ZNF492: variants seen among roughly 807,000 people sequenced by gnomAD.
ZNF492 encodes zinc finger protein 115 (Y20).
ZNF492 carries 3 observed loss-of-function variants against 6.4 expected under a neutral mutation model. That is an observed-to-expected ratio of 0.47 (90% CI 0.21 to 1.22). The LOEUF is 1.22. Among genes scored for constraint, ZNF492 ranks in the 50% most tolerant of loss-of-function variants. The probability of loss-of-function intolerance (pLI) is 0.22; values close to 1 mark genes in which losing one functional copy is unlikely to be tolerated. For missense variants in ZNF492, 356 were observed against 612.5 expected, an observed-to-expected ratio of 0.58 and a Z score of 4.42; for synonymous variants, 112 against 205.3, an observed-to-expected ratio of 0.55 and a Z score of 3.89.
In ZNF492 at chr19:22,664,386, C is replaced by T. The variant is rs2145264680; in HGVS notation, c.717C>T (p.Asn239=). The T allele has an allele frequency of 6.5e-7, 1 of 1,528,062 alleles. No individual in the cohort carries two copies. The highest frequency in any genetic ancestry group is 2.4e-5 in the East Asian group (1 of 40,980). 94.7% of individuals were successfully genotyped at this position (1,528,062 alleles called of 1,614,324 possible). Residue 239 remains asparagine, a synonymous_variant, in exon 4 of 4, where the codon AAC becomes AAT. Coordinates refer to ENST00000456783, the MANE Select transcript of ZNF492 (RefSeq NM_020855.3). ...ECGKAFNQSA[N]LTTHKRIHTG... ...GCAAAGCTTTTAACCAATCTGCAAA[C>T]CTTACTACACATAAGAGAATTCATA...
intron 1 of ZNF492, among the ~76,000 whole-genome samples, chr19:22,650,401 T>C (rs1433086): frequency 0.42 from 64,206 of 151,716 alleles, 16,544 homozygotes; most frequent in African/African-American, 0.74. Flanking sequence ...TTGGGTGGCA[T>C]GAGGAACAGA....
At chr19:22,637,988 T>G (rs1971785165) in intron 1 of ZNF492, among the ~76,000 whole-genome samples, 1 of 152,230 alleles carries the variant, frequency 6.6e-6, no homozygotes, top group African/African-American at 2.4e-5. Flanking sequence ...AGCATTTTTT[T>G]TATGCTCGTT....
At position 22,666,744 on chromosome 19, in the gene ZNF492, AAAAT is replaced by A. The variant is rs1212841654; in HGVS notation, c.*1484_*1487del. ...AAATTTTTAGTTTTAGTTAAAATTA[AAAAT>A]AAATTAGTATATTATTTTACTAATT... On this transcript the variant is annotated 3_prime_UTR_variant, in exon 4 of 4. Coordinates refer to ENST00000456783, the MANE Select transcript of ZNF492 (RefSeq NM_020855.3). 2 of 152,236 alleles carry A rather than the reference AAAAT, an allele frequency of 1.3e-5. No homozygotes were observed. The highest frequency in any genetic ancestry group is 2.4e-5 in the African/African-American group (1 of 41,470). 9.4% of individuals were successfully genotyped at this position (152,236 alleles called of 1,614,324 possible). A position where few individuals can be genotyped will look rare whatever the true frequency, so the allele number is the denominator to read the frequency against.
chr19:22,665,365 G>C lies in ZNF492; in HGVS notation c.*100G>C. ...AAACTTCTACAAGTGTGAATGAACA[G>C]TGTGGCAAAACTTACACAATGCTCA... On this transcript the variant is annotated 3_prime_UTR_variant, in exon 4 of 4. Coordinates refer to ENST00000456783, the MANE Select transcript of ZNF492 (RefSeq NM_020855.3). 4.0e-6 allele frequency: 6 copies of C among 1,490,578 alleles called. No individual in the cohort carries two copies. Among genetic ancestry groups the C allele is most frequent in the Non-Finnish European group, 5.4e-6 (6 of 1,121,380 alleles). 92.3% of individuals were successfully genotyped at this position (1,490,578 alleles called of 1,614,324 possible).
chr19:22,665,389 C>G lies in ZNF492; in HGVS notation c.*124C>G. ...AGTGTGGCAAAACTTACACAATGCT[C>G]AAACCTTATTGCACAGGAAAGCCTT... On this transcript the variant is annotated 3_prime_UTR_variant, in exon 4 of 4. Coordinates refer to ENST00000456783, the MANE Select transcript of ZNF492 (RefSeq NM_020855.3). 2.7e-6 allele frequency: 4 copies of G among 1,467,210 alleles called. No homozygotes were observed. The South Asian group carries it at 5.9e-5, about 22-fold the overall frequency. The allele number at this position is 1,467,210 out of a possible 1,614,324, so 90.9% of individuals were successfully genotyped here. A position where few individuals can be genotyped will look rare whatever the true frequency, so the allele number is the denominator to read the frequency against.
chr19:22,646,623 T>G (rs1277729386), intron 1 of ZNF492, among the ~76,000 whole-genome samples: 1 of 152,204 alleles, frequency 6.6e-6, no homozygotes, highest in Non-Finnish European at 1.5e-5. Context: ...TTCCAGCTTT[T>G]TCCCATTCAA....
chr19:22,660,969 C>T (rs1304378554), intron 3 of ZNF492, among the ~76,000 whole-genome samples: 1 of 150,166 alleles, frequency 6.7e-6, no homozygotes, highest in African/African-American at 2.5e-5. Context: ...TTCTGATCTG[C>T]AGAATTTTTG....
At position 22,666,219 on chromosome 19, in the gene ZNF492, C is replaced by T. The variant is rs1487046217; in HGVS notation, c.*954C>T. 4 of 130,214 alleles carry T rather than the reference C, an allele frequency of 3.1e-5. No individual in the cohort carries two copies. The highest frequency in any genetic ancestry group is 1.3e-4 in the African/African-American group (4 of 31,836). The allele number at this position is 130,214 out of a possible 1,614,324, so 8.1% of individuals were successfully genotyped here. On this transcript the variant is annotated 3_prime_UTR_variant, in exon 4 of 4. Coordinates refer to ENST00000456783, the MANE Select transcript of ZNF492 (RefSeq NM_020855.3). Reference sequence around the variant, plus strand: ...TTTTTTTTTTTTAGATGGAGTCTTGCTCTATCGCCCCCCCAGGCTGGAGTA... The same window carrying T: ...TTTTTTTTTTTTAGATGGAGTCTTGTTCTATCGCCCCCCCAGGCTGGAGTA...
intron 1 of ZNF492, among the ~76,000 whole-genome samples, chr19:22,634,818 G>A (rs532947445): frequency 6.6e-6 from 1 of 152,184 alleles, no homozygotes. Flanking sequence ...GCGGGTTCAC[G>A]AATGGGAAGA....
chr19:22,653,795 T>C, intron 2 of ZNF492, 125 bp from the exon 3 acceptor site: 3 of 880,734 alleles, frequency 3.4e-6, no homozygotes, highest in Non-Finnish European at 4.8e-6. Flanking sequence ...TAAAATTTTT[T>C]GTTGTGTATT....
chr19:22,634,497 C>T, intron 1 of ZNF492, 23 bp downstream of exon 1: 1 of 1,375,684 alleles, frequency 7.3e-7, no homozygotes, highest in Non-Finnish European at 1.0e-6. Flanking sequence ...GGTCCGACAT[C>T]CCGAGAGAGG....
chr19:22,664,795 C>T lies in ZNF492; in HGVS notation c.1126C>T (p.Arg376Trp), dbSNP rs199953047. ...KCEVCSKAFSRFSHLTTHKRI... is the reference protein window; with the variant it reads ...KCEVCSKAFSWFSHLTTHKRI... ...TGAAGTATGTAGCAAAGCCTTTAGCCGGTTCTCACACCTTACTACACATAA... is the reference window on the plus strand; with the variant it reads ...TGAAGTATGTAGCAAAGCCTTTAGCTGGTTCTCACACCTTACTACACATAA... The change falls in exon 4 of 4, where the codon CGG (arginine) becomes TGG (tryptophan). Residue 376 changes from arginine (R) to tryptophan (W), a missense_variant. Around this residue, in one of 7 missense-constraint regions of ZNF492, gnomAD observed 1 missense variants for 53.7 expected, o/e 0.02. Coordinates refer to ENST00000456783, the MANE Select transcript of ZNF492 (RefSeq NM_020855.3). 4.7e-5 allele frequency: 76 copies of T among 1,600,560 alleles called. No individual in the cohort carries two copies. The African/African-American group carries it at 5.7e-4, about 12-fold the overall frequency.
At chr19:22,645,345 C>A (rs1351228817) in intron 1 of ZNF492, among the ~76,000 whole-genome samples, 2 of 152,092 alleles carry the variant, frequency 1.3e-5, no homozygotes, top group African/African-American at 4.8e-5. Context: ...CTACACCCAG[C>A]CTTTGCTCAC....
Position 22,653,894 on chromosome 19 carries a change from G to A in ZNF492, c.35-26G>A. 1.9e-6 allele frequency: 3 copies of A among 1,563,018 alleles called. No individual in the cohort carries two copies. In the East Asian group the frequency reaches 6.9e-5, roughly 36 times the overall value. ...ATTGGTAATTGGAGAATATGAGCAA[G>A]ATTCATGTTATTTGTAATAAAACAG... On this transcript the variant is annotated intron_variant, in intron 2 of 3. Coordinates refer to ENST00000456783, the MANE Select transcript of ZNF492 (RefSeq NM_020855.3).
chr19:22,635,906 G>T (rs1125907), intron 1 of ZNF492, among the ~76,000 whole-genome samples: 29,431 of 152,056 alleles, frequency 0.19, 3,709 homozygotes, highest in African/African-American at 0.36. Context: ...ACACATGCAG[G>T]TTTGTTATAC....
At chr19:22,639,189 G>C (rs180932961) in intron 1 of ZNF492, among the ~76,000 whole-genome samples, 1 of 152,026 alleles carries the variant, frequency 6.6e-6, no homozygotes, top group Non-Finnish European at 1.5e-5. Flanking sequence ...CCATTTGTTT[G>C]TGTCATCTCT....
chr19:22,651,582 C>T (rs572299479), intron 1 of ZNF492, among the ~76,000 whole-genome samples: 1 of 152,072 alleles, frequency 6.6e-6, no homozygotes, highest in Non-Finnish European at 1.5e-5. Flanking sequence ...TCTCTACATT[C>T]TCAACATCAT....
chr19:22,638,055 T>A (rs1254814713), intron 1 of ZNF492, among the ~76,000 whole-genome samples: 2 of 152,210 alleles, frequency 1.3e-5, no homozygotes, highest in African/African-American at 2.4e-5. Flanking sequence ...TTGTCTACTT[T>A]TTAGGTCTTT....
At chr19:22,660,395 A>T (rs1385103773) in intron 3 of ZNF492, among the ~76,000 whole-genome samples, 3 of 147,946 alleles carry the variant, frequency 2.0e-5, no homozygotes, top group African/African-American at 4.9e-5. Flanking sequence ...TTTCTAATTC[A>T]CTTTTGTATA....
Sources: allele counts gnomAD v4.1 joint callset (sites outside exome capture counted in the v4.1 genomes callset), GRCh38; gene constraint gnomAD v4.1.1; regional missense constraint gnomAD v4.1.1; transcripts MANE v1.5; gene names NCBI Gene and HGNC (gene_info 2026-07-23, HGNC 2026-07-21).